Variants in PCDHA6 observed in about 807,000 individuals in gnomAD.
PCDHA6 encodes the protein protocadherin alpha-6.
In PCDHA6, 55 loss-of-function variants were observed where a neutral mutation model predicts 60.3. That is an observed-to-expected ratio of 0.91 (90% CI 0.73 to 1.14). The LOEUF is 1.14. PCDHA6 is among the 50% of genes most tolerant of loss of function. PCDHA6 has a pLI of 0.00. For missense variants in PCDHA6, 1,327 were observed against 1,256.5 expected, an observed-to-expected ratio of 1.06 and a Z score of -0.85; for synonymous variants, 652 against 557.9, an observed-to-expected ratio of 1.17 and a Z score of -2.38.
chr5:141,010,438 CAAAT>C lies in PCDHA6; in HGVS notation c.*505_*508del, dbSNP rs2098417279. On this transcript the variant is annotated 3_prime_UTR_variant, in exon 4 of 4. Transcript: ENST00000529310. ...TACAAGGAAGGCAAGAAAACAAAGA[CAAAT>C]AAACAGCGGAAGTTATCAGTATGGA... 2.0e-6 allele frequency: 2 copies of C among 998,926 alleles called. No homozygotes were observed. The highest frequency in any genetic ancestry group is 2.8e-6 in the Non-Finnish European group (2 of 704,790). The allele number at this position is 998,926 out of a possible 1,614,324, so 61.9% of individuals were successfully genotyped here.
rs1485742296 is a variant in PCDHA6, at chr5:140,974,143, T to C, written c.2395-4806T>C. On this transcript the variant is annotated intron_variant, in intron 1 of 3. Transcript: ENST00000529310. ...GTTTTAAATCTGCTAACCTGAAAACTATACAAGGGTTTTTCTTTCAAGAAT... is the reference window on the plus strand; with the variant it reads ...GTTTTAAATCTGCTAACCTGAAAACCATACAAGGGTTTTTCTTTCAAGAAT... 2.0e-5 allele frequency among the ~76,000 whole-genome samples: 3 copies of C among 152,324 alleles called. No homozygotes were observed. The East Asian group carries it at 5.8e-4, about 29-fold the overall frequency.
chr5:140,990,871 G>GT, intron 3 of PCDHA6, among the ~76,000 whole-genome samples: 1 of 152,284 alleles, frequency 6.6e-6, no homozygotes, highest in East Asian at 1.9e-4. Context: ...TATTTTAAGT[G>GT]TATGTTCCAG....
At chr5:140,917,324 C>CGGGGGGGG (rs1299895515) in intron 1 of PCDHA6, among the ~76,000 whole-genome samples, 1 of 76,104 alleles carries the variant, frequency 1.3e-5, no homozygotes, top group Non-Finnish European at 2.9e-5. Context: ...GTTCATGTGG[C>CGGGGGGGG]GGGGGAGGGG....
At chr5:140,877,730 A>C in intron 1 of PCDHA6, 1 of 1,614,146 alleles carries the variant, frequency 6.2e-7, no homozygotes, top group Non-Finnish European at 8.5e-7. Context: ...TACTCGCAGC[A>C]GAGGAGGCAG....
rs1234661148 is a variant in PCDHA6, at chr5:141,010,706, T to C, written c.*769T>C. 2 of 155,338 alleles carry C rather than the reference T, an allele frequency of 1.3e-5. No individual in the cohort carries two copies. Among genetic ancestry groups the C allele is most frequent in the African/African-American group, 4.8e-5 (2 of 41,492 alleles). The allele number at this position is 155,338 out of a possible 1,614,324, so 9.6% of individuals were successfully genotyped here. A position where few individuals can be genotyped will look rare whatever the true frequency, so the allele number is the denominator to read the frequency against. The stretch of plus-strand genomic sequence containing the variant: ...AGATCTGATGTGTTTCCTATACATG[T>C]CCTGTGCTCACTTTATTAAAAATTC... On this transcript the variant is annotated 3_prime_UTR_variant, in exon 4 of 4. Transcript: ENST00000529310.
At chr5:140,854,909 G>T (rs1295662316) in intron 1 of PCDHA6, among the ~76,000 whole-genome samples, 1 of 149,376 alleles carries the variant, frequency 6.7e-6, no homozygotes, top group Non-Finnish European at 1.5e-5. Flanking sequence ...AATATAACAG[G>T]GTTGAAAGCA....
chr5:140,966,786 G>A (rs1554228650), intron 1 of PCDHA6: 2 of 1,526,000 alleles, frequency 1.3e-6, no homozygotes, highest in Admixed American at 1.9e-5. Context: ...GCGGGCACCA[G>A]ACCTGCGGCG....
At chr5:140,880,241 C>T (rs529552139) in intron 1 of PCDHA6, among the ~76,000 whole-genome samples, 12 of 150,302 alleles carry the variant, frequency 8.0e-5, no homozygotes, top group South Asian at 4.2e-4. Flanking sequence ...AGTGTATGTG[C>T]GTGTGTGTAT....
At chr5:140,860,559 A>G (rs2046453959) in intron 1 of PCDHA6, 1 of 152,222 alleles carries the variant, frequency 6.6e-6, no homozygotes, top group African/African-American at 2.4e-5. Flanking sequence ...TTGAAGAGGT[A>G]CTGATCATAC....
intron 1 of PCDHA6, chr5:140,841,783 A>G (rs1580976899): frequency 6.2e-7 from 1 of 1,613,912 alleles, no homozygotes; most frequent in Non-Finnish European, 8.5e-7. Flanking sequence ...GGTTTCCGCT[A>G]GAGGGCGCGT....
chr5:140,858,135 T>G lies in PCDHA6; in HGVS notation c.2394+27650T>G, dbSNP rs1215623176. 3 of 1,597,334 alleles carry G rather than the reference T, an allele frequency of 1.9e-6. No homozygotes were observed. The African/African-American group carries it at 4.0e-5, about 21-fold the overall frequency. ...GAGGTGGCCCTGGTGGATGTCAACG[T>G]GTACCTGATCATCGCCATCTGCGCG... is the stretch of plus-strand genomic sequence containing the variant. On this transcript the variant is annotated intron_variant, in intron 1 of 3. Transcript: ENST00000529310.
At chr5:140,985,999 A>G (rs932659753) in intron 3 of PCDHA6, among the ~76,000 whole-genome samples, 10 of 152,104 alleles carry the variant, frequency 6.6e-5, no homozygotes, top group Non-Finnish European at 1.5e-4. Flanking sequence ...TCAGCCTCCC[A>G]AAGTGCTGGG....
At chr5:140,997,472 C>CACA (rs1386540010) in intron 3 of PCDHA6, among the ~76,000 whole-genome samples, 12 of 152,120 alleles carry the variant, frequency 7.9e-5, no homozygotes, top group Non-Finnish European at 1.8e-4. Context: ...GCAATTTTTA[C>CACA]ACAATGATAA....
intron 1 of PCDHA6, among the ~76,000 whole-genome samples, chr5:140,973,323 A>G (rs1331752602): frequency 1.3e-5 from 2 of 152,160 alleles, no homozygotes; most frequent in African/African-American, 4.8e-5. Flanking sequence ...AACAGAGTTT[A>G]CACTCGTTGT....
intron 1 of PCDHA6, chr5:140,870,128 C>T: frequency 6.2e-7 from 1 of 1,613,948 alleles, no homozygotes; most frequent in Non-Finnish European, 8.5e-7. Flanking sequence ...ATCTTGGACA[C>T]CAACGATAAC....
Position 141,009,661 on chromosome 5 carries a change from T to G in PCDHA6, c.2577T>G (p.Gly859=), listed in dbSNP as rs1554262260. ...PEAGEVSPPV[G]AGVNSNSWTF... ...CAGGAGAAGTGTCCCCTCCAGTCGG[T>G]GCGGGTGTCAACAGCAACAGCTGGA... The change falls in exon 4 of 4, where the codon GGT becomes GGG. Residue 859 remains glycine (G), a synonymous_variant. Coordinates refer to ENST00000529310, the MANE Select transcript of PCDHA6 (RefSeq NM_018909.4). 1 of 1,614,030 alleles carries G rather than the reference T, an allele frequency of 6.2e-7. No homozygotes were observed.
intron 1 of PCDHA6, chr5:140,884,082 C>A (rs2059986179): frequency 1.2e-6 from 2 of 1,613,558 alleles, no homozygotes; most frequent in Non-Finnish European, 8.5e-7. Flanking sequence ...GGCTACAATG[C>A]GTGGCTTTCG....
At chr5:140,869,453 T>C in intron 1 of PCDHA6, 1 of 1,614,214 alleles carries the variant, frequency 6.2e-7, no homozygotes, top group Non-Finnish European at 8.5e-7. Flanking sequence ...CTGCAGGTTT[T>C]CCATGTGAAC....
In PCDHA6 at chr5:140,876,087, G is replaced by T. The variant is rs1554168252; in HGVS notation, c.2394+45602G>T. ...GGAAGTTATTGGACAGAGAGCAAAC[G>T]CCAAAACTCAATTTATTGCTGATGG... On this transcript the variant is annotated intron_variant, in intron 1 of 3. Coordinates refer to ENST00000529310, the MANE Select transcript of PCDHA6 (RefSeq NM_018909.4). The T allele has an allele frequency of 1.9e-6, 3 of 1,613,922 alleles. No individual in the cohort carries two copies. The South Asian group carries it at 3.3e-5, about 18-fold the overall frequency.
Sources: allele counts gnomAD v4.1 joint callset (sites outside exome capture counted in the v4.1 genomes callset), GRCh38; gene constraint gnomAD v4.1.1; transcripts MANE v1.5; gene names NCBI Gene and HGNC (gene_info 2026-07-23, HGNC 2026-07-21).